The following ARHGAP6 variants were observed in gnomAD, a reference collection of about 807,000 sequenced individuals.
ARHGAP6 encodes the protein Rho GTPase activating protein 6.
In ARHGAP6, 16 loss-of-function variants were observed where a neutral mutation model predicts 55.7. The observed-to-expected ratio is 0.29, with a 90% CI of 0.19 to 0.44. ARHGAP6 has a LOEUF of 0.44. Ranked by LOEUF, ARHGAP6 falls within the 20% of genes least tolerant of loss-of-function variation. The pLI, the probability that ARHGAP6 is intolerant of heterozygous loss-of-function variation, is 1.00. For synonymous variants in ARHGAP6, 382 were observed against 360.9 expected (o/e 1.06, Z -0.66); for missense variants, 698 against 808.9 (o/e 0.86, Z 1.66).
chrX:11,494,243 TA>T (rs2147851350), intron 1 of ARHGAP6, among the ~76,000 whole-genome samples: 1 of 112,087 alleles, frequency 8.9e-6, no homozygotes, highest in African/African-American at 3.2e-5. Flanking sequence ...ACCACTGCAT[TA>T]AATGAACAAA....
chrX:11,308,163 T>A (rs1309740250), intron 1 of ARHGAP6, among the ~76,000 whole-genome samples: 1 of 112,479 alleles, frequency 8.9e-6, no homozygotes, highest in South Asian at 3.7e-4. Flanking sequence ...TTTCACTTTC[T>A]TGGTGTTAAC....
intron 9 of ARHGAP6, among the ~76,000 whole-genome samples, chrX:11,166,463 C>G (rs183606732): frequency 8.9e-6 from 1 of 112,154 alleles, no homozygotes; most frequent in East Asian, 2.8e-4. Flanking sequence ...CCCTGACTAG[C>G]TTCATCCTTC....
intron 1 of ARHGAP6, among the ~76,000 whole-genome samples, chrX:11,567,475 A>T (rs1189409892): frequency 1.9e-5 from 2 of 104,827 alleles, no homozygotes; most frequent in Non-Finnish European, 3.9e-5. Flanking sequence ...AATGGCATGA[A>T]CCTGGGAGGT....
At chrX:11,475,774 G>T (rs1446718619) in intron 1 of ARHGAP6, among the ~76,000 whole-genome samples, 4 of 104,622 alleles carry the variant, frequency 3.8e-5, no homozygotes, top group African/African-American at 1.4e-4. Flanking sequence ...CTCATGAAAA[G>T]ACATCATTGC....
At chrX:11,348,267 A>C (rs1234477944) in intron 1 of ARHGAP6, among the ~76,000 whole-genome samples, 1 of 112,543 alleles carries the variant, frequency 8.9e-6, no homozygotes, top group Admixed American at 9.4e-5. Context: ...ATAGAAATAA[A>C]GATACAGTGG....
In ARHGAP6 at chrX:11,657,333, C is replaced by T. The variant is rs200610264; in HGVS notation, c.588+6908G>A. On this transcript the variant is annotated intron_variant, in intron 1 of 12. Transcript: ENST00000337414. ...AGGCAGTGACATTGTGAATGAACAG[C>T]TGGAGAGAGATGTAAGAACTCAGAC... Among the ~76,000 whole-genome samples, 5 of 109,390 alleles carry T rather than the reference C, an allele frequency of 4.6e-5. No individual in the cohort carries two copies. In the East Asian group the frequency reaches 1.4e-3, roughly 32 times the overall value. 95.0% of individuals were successfully genotyped at this position (109,390 alleles called of 115,157 possible). A position where few individuals can be genotyped will look rare whatever the true frequency, so the allele number is the denominator to read the frequency against.
At chrX:11,399,354 C>CAAAAAAAAAAAAAAA (rs56197001) in intron 1 of ARHGAP6, among the ~76,000 whole-genome samples, 4 of 35,282 alleles carry the variant, frequency 1.1e-4, no homozygotes, top group African/African-American at 3.2e-4. Flanking sequence ...AATAAGCAAT[C>CAAAAAAAAAAAAAAA]AAAAAAAAAA....
chrX:11,492,480 A>C (rs983169866), intron 1 of ARHGAP6, among the ~76,000 whole-genome samples: 17 of 111,923 alleles, frequency 1.5e-4, no homozygotes, highest in African/African-American at 5.5e-4. Context: ...ACTGCTATCT[A>C]CTGACCAAGT....
chrX:11,387,146 T>C lies in ARHGAP6; in HGVS notation c.589-132439A>G, dbSNP rs757429814. On this transcript the variant is annotated intron_variant, in intron 1 of 12. Coordinates refer to ENST00000337414, the MANE Select transcript of ARHGAP6 (RefSeq NM_013427.3). ...AGGAAGAAAGCAGGCTACAGGGAAA[T>C]GTGGGAAAGTGATCAATGAAGGAGA... 1.2e-3 allele frequency among the ~76,000 whole-genome samples: 130 copies of C among 111,535 alleles called. 1 individual carries two copies. The highest frequency in any genetic ancestry group is 4.1e-3 in the African/African-American group (126 of 30,687).
chrX:11,194,452 G>A (rs1370321967), intron 3 of ARHGAP6, among the ~76,000 whole-genome samples: 1 of 111,943 alleles, frequency 8.9e-6, no homozygotes, highest in Non-Finnish European at 1.9e-5. Flanking sequence ...GACTCCCTGG[G>A]GTGTGGGTCT....
intron 1 of ARHGAP6, among the ~76,000 whole-genome samples, chrX:11,347,315 A>G (rs1486962885): frequency 8.9e-6 from 1 of 112,241 alleles, no homozygotes. Context: ...TTCATTTCAT[A>G]TGCCTGGACT....
intron 1 of ARHGAP6, among the ~76,000 whole-genome samples, chrX:11,375,923 A>G (rs2049195289): frequency 8.9e-6 from 1 of 112,103 alleles, no homozygotes; most frequent in African/African-American, 3.2e-5. Flanking sequence ...AGGAAGTTCA[A>G]AATATCCATA....
intron 1 of ARHGAP6, among the ~76,000 whole-genome samples, chrX:11,311,324 CTTGT>C (rs765234459): frequency 7.1e-4 from 79 of 111,461 alleles, no homozygotes; most frequent in Middle Eastern, 9.4e-3. Flanking sequence ...TCTTTTTTTG[CTTGT>C]TTGTTTCCAT....
At chrX:11,465,532 T>C in intron 1 of ARHGAP6, among the ~76,000 whole-genome samples, 1 of 112,325 alleles carries the variant, frequency 8.9e-6, no homozygotes. Flanking sequence ...TTGATGTAAA[T>C]AAATAATTAT....
intron 9 of ARHGAP6, among the ~76,000 whole-genome samples, chrX:11,160,585 G>T (rs1187217232): frequency 8.9e-6 from 1 of 111,953 alleles, no homozygotes; most frequent in Non-Finnish European, 1.9e-5. Flanking sequence ...AGAGTATGTA[G>T]TATGTCTAAG....
At chrX:11,579,622 T>G (rs745496753) in intron 1 of ARHGAP6, among the ~76,000 whole-genome samples, 2 of 112,127 alleles carry the variant, frequency 1.8e-5, no homozygotes, top group African/African-American at 6.5e-5. Flanking sequence ...GTCACTTATC[T>G]GGGGGCAGAG....
chrX:11,455,802 C>A (rs1383943768), intron 1 of ARHGAP6, among the ~76,000 whole-genome samples: 1 of 111,945 alleles, frequency 8.9e-6, no homozygotes, highest in Non-Finnish European at 1.9e-5. Context: ...GTACCTGGTA[C>A]CTATGGCAGG....
At chrX:11,276,283 T>C (rs754888954) in intron 1 of ARHGAP6, among the ~76,000 whole-genome samples, 1 of 111,949 alleles carries the variant, frequency 8.9e-6, no homozygotes, top group African/African-American at 3.2e-5. Flanking sequence ...TATTTGATTA[T>C]CTATATTTGT....
intron 2 of ARHGAP6, among the ~76,000 whole-genome samples, chrX:11,253,592 C>T (rs1055937491): frequency 1.2e-4 from 14 of 112,055 alleles, no homozygotes; most frequent in African/African-American, 4.2e-4. Context: ...CTGCTACATA[C>T]TAATACAAAT....
Sources: gnomAD v4.1 joint callset for allele counts (sites outside exome capture counted in the v4.1 genomes callset) on GRCh38, gnomAD v4.1.1 for gene constraint, MANE v1.5 for transcripts, NCBI Gene and HGNC (gene_info 2026-07-23, HGNC 2026-07-21) for gene names.